Variants in ADORA2B observed in about 807,000 individuals in gnomAD.
ADORA2B encodes adenosine receptor A2b.
ADORA2B carries 18 observed loss-of-function variants against 20.8 expected under a neutral mutation model. That is an observed-to-expected ratio of 0.87 (90% CI 0.60 to 1.29). ADORA2B has a LOEUF of 1.29. Among genes scored for constraint, ADORA2B ranks in the 50% most tolerant of loss-of-function variants. The probability of loss-of-function intolerance (pLI) is 0.00; values close to 1 mark genes in which losing one functional copy is unlikely to be tolerated. For missense variants in ADORA2B, 441 were observed against 422.7 expected (o/e 1.04, Z -0.38); for synonymous variants, 179 against 178.3 (o/e 1.00, Z -0.03).
chr17:15,901,815 C>A, the ADORA2B span, among the ~76,000 whole-genome samples: 1 of 152,180 alleles, frequency 6.6e-6, no homozygotes, highest in African/African-American at 2.4e-5. Context: ...TCTCCCCCCA[C>A]CACCTCCGCA....
chr17:15,861,449 T>G, the ADORA2B span, among the ~76,000 whole-genome samples: 6 of 152,172 alleles, frequency 3.9e-5, no homozygotes, highest in African/African-American at 1.4e-4. Context: ...ATTGCAAATC[T>G]TCATTGCTAA....
intron 1 of ADORA2B, among the ~76,000 whole-genome samples, chr17:15,959,826 ACAG>A (rs757937880): frequency 3.9e-5 from 6 of 152,212 alleles, no homozygotes; most frequent in Non-Finnish European, 8.8e-5. Context: ...AATAGGTGCC[ACAG>A]TCTATAGTCA....
At chr17:15,959,311 G>A (rs1260370190) in intron 1 of ADORA2B, among the ~76,000 whole-genome samples, 3 of 152,078 alleles carry the variant, frequency 2.0e-5, no homozygotes, top group African/African-American at 7.2e-5. Flanking sequence ...CTCATCTAAC[G>A]AAGTTTGTGG....
chr17:15,903,225 G>A, the ADORA2B span, among the ~76,000 whole-genome samples: 1 of 152,176 alleles, frequency 6.6e-6, no homozygotes, highest in East Asian at 1.9e-4. Flanking sequence ...AAGAAACATG[G>A]CATCAAGCCC....
chr17:15,945,650 G>A, intron 1 of ADORA2B, 67 bp downstream of exon 1: 2 of 1,387,536 alleles, frequency 1.4e-6, no homozygotes, highest in African/African-American at 2.9e-5. Context: ...GTCTTCTCCA[G>A]GCCGGGGTTC....
the ADORA2B span, among the ~76,000 whole-genome samples, chr17:15,903,454 T>C: frequency 6.6e-6 from 1 of 152,238 alleles, no homozygotes; most frequent in Admixed American, 6.5e-5. Context: ...GAAATTTTAC[T>C]TAGAAAGGCC....
At chr17:15,917,197 G>C in the ADORA2B span, among the ~76,000 whole-genome samples, 1 of 152,230 alleles carries the variant, frequency 6.6e-6, no homozygotes, top group Admixed American at 6.5e-5. Context: ...CCAGCTACTT[G>C]GGAGTCAGAG....
chr17:15,895,999 A>G, the ADORA2B span, among the ~76,000 whole-genome samples: 1 of 152,228 alleles, frequency 6.6e-6, no homozygotes. Context: ...GGAGGTTATA[A>G]GGAAGCTGGT....
the ADORA2B span, among the ~76,000 whole-genome samples, chr17:15,906,772 A>G: frequency 3.3e-5 from 5 of 152,228 alleles, no homozygotes; most frequent in Non-Finnish European, 7.3e-5. Context: ...AACAAATGTC[A>G]TGCATTATAA....
chr17:15,962,170 G>C (rs982796618), intron 1 of ADORA2B, among the ~76,000 whole-genome samples: 1 of 152,112 alleles, frequency 6.6e-6, no homozygotes, highest in Admixed American at 6.5e-5. Flanking sequence ...GAGCATGTTG[G>C]TGGGCACCTG....
the ADORA2B span, among the ~76,000 whole-genome samples, chr17:15,930,328 A>T: frequency 7.1e-6 from 1 of 140,760 alleles, no homozygotes; most frequent in Admixed American, 7.5e-5. Context: ...ACAGGGTCTC[A>T]CTCTGTCACC....
the ADORA2B span, chr17:15,860,971 G>T: frequency 6.5e-6 from 1 of 152,694 alleles, no homozygotes; most frequent in Non-Finnish European, 1.5e-5. Context: ...AGTGGAAGTG[G>T]CCCCAAGAAA....
chr17:15,939,859 C>CAAAA, the ADORA2B span, among the ~76,000 whole-genome samples: 120 of 52,868 alleles, frequency 2.3e-3, 1 homozygote, highest in East Asian at 0.038. Context: ...GACTCTGTCT[C>CAAAA]AAAAAAAAAA....
chr17:15,937,707 G>C, the ADORA2B span, among the ~76,000 whole-genome samples: 1 of 151,842 alleles, frequency 6.6e-6, no homozygotes, highest in African/African-American at 2.4e-5. Flanking sequence ...CAAGTAGTTG[G>C]GACTACAGGC....
intron 1 of ADORA2B, among the ~76,000 whole-genome samples, chr17:15,950,396 A>T (rs1027286920): frequency 1.3e-5 from 2 of 152,172 alleles, no homozygotes; most frequent in African/African-American, 4.8e-5. Context: ...GCCACCCATC[A>T]GTACACGAAT....
Position 15,945,362 on chromosome 17 carries a change from G to A in ADORA2B, c.114G>A (p.Leu38=), listed in dbSNP as rs1969787148. The A allele has an allele frequency of 6.2e-7, 1 of 1,610,972 alleles. No individual in the cohort carries two copies. The highest frequency in any genetic ancestry group is 1.7e-5 in the Admixed American group (1 of 59,940). The change falls in exon 1 of 2, where the codon CTG becomes CTA. Residue 38 remains leucine (L), a synonymous_variant. Transcript: ENST00000304222. ...VCAAVGTANT[L]QTPTNYFLVS... The stretch of plus-strand genomic sequence containing the variant: ...CCGCGGTGGGCACGGCGAACACTCT[G>A]CAGACGCCCACCAACTACTTCCTGG...
the ADORA2B span, among the ~76,000 whole-genome samples, chr17:15,879,475 A>G: frequency 9.9e-5 from 15 of 151,882 alleles, no homozygotes; most frequent in African/African-American, 2.9e-4. Context: ...AAAAAAAGTA[A>G]TATTTATTTT....
chr17:15,911,318 G>A, the ADORA2B span, among the ~76,000 whole-genome samples: 2 of 152,186 alleles, frequency 1.3e-5, no homozygotes, highest in African/African-American at 2.4e-5. Flanking sequence ...ATTAAAGTGG[G>A]GGAAAGTAAT....
chr17:15,855,213 G>A, the ADORA2B span, among the ~76,000 whole-genome samples: 2 of 152,176 alleles, frequency 1.3e-5, no homozygotes, highest in East Asian at 3.9e-4. Context: ...TTACAGGCAT[G>A]AGCCACCACA....
Sources: gnomAD v4.1 joint callset for allele counts (sites outside exome capture counted in the v4.1 genomes callset) on GRCh38, gnomAD v4.1.1 for gene constraint, MANE v1.5 for transcripts, NCBI Gene and HGNC (gene_info 2026-07-23, HGNC 2026-07-21) for gene names.